The following CAMK2B variants were observed in gnomAD, a reference collection of about 807,000 sequenced individuals.
The protein encoded by CAMK2B is calcium/calmodulin-dependent protein kinase type II subunit beta.
In CAMK2B, 27 loss-of-function variants were observed where a neutral mutation model predicts 93.7. The ratio of observed to expected loss-of-function variants is 0.29; its 90% CI spans 0.21 to 0.40. The LOEUF is 0.40. Ranked by LOEUF, CAMK2B falls within the 10% of genes least tolerant of loss-of-function variation. The pLI is 1.00. For missense variants in CAMK2B, 568 were observed against 895.8 expected (o/e 0.63, Z 4.67); for synonymous variants, 374 against 358.8 (o/e 1.04, Z -0.48).
At chr7:44,288,670 T>C (rs1785819992) in intron 1 of CAMK2B, among the ~76,000 whole-genome samples, 1 of 152,134 alleles carries the variant, frequency 6.6e-6, no homozygotes, top group South Asian at 2.1e-4. Context: ...AGTCCTTGCT[T>C]TGTGGAAGGC....
At chr7:44,268,354 G>T (rs891074415) in intron 2 of CAMK2B, among the ~76,000 whole-genome samples, 2 of 152,214 alleles carry the variant, frequency 1.3e-5, no homozygotes, top group Non-Finnish European at 2.9e-5. Context: ...GATATTTACA[G>T]CCTGCAGATG....
chr7:44,319,484 T>G (rs1795552486), intron 1 of CAMK2B, among the ~76,000 whole-genome samples: 2 of 152,194 alleles, frequency 1.3e-5, no homozygotes, highest in African/African-American at 2.4e-5. Context: ...CTCTTCGGGA[T>G]TCCTAGAAAA....
intron 1 of CAMK2B, among the ~76,000 whole-genome samples, chr7:44,322,033 C>T (rs1418819819): frequency 2.0e-5 from 3 of 152,228 alleles, no homozygotes; most frequent in African/African-American, 4.8e-5. Context: ...ATTCAGGGCC[C>T]GGGCCGTGAC....
At chr7:44,323,945 C>T (rs1486893946) in intron 1 of CAMK2B, 2 of 158,066 alleles carry the variant, frequency 1.3e-5, no homozygotes, top group African/African-American at 4.8e-5. Context: ...GGCTCGCCCT[C>T]TCCCTCGAGG....
intron 1 of CAMK2B, 147 bp downstream of exon 1, chr7:44,325,210 G>A (rs1585013362): frequency 3.7e-6 from 1 of 269,706 alleles, no homozygotes; most frequent in Non-Finnish European, 5.6e-6. Context: ...GGTCGGGGCC[G>A]CGCGGGGCCG....
At position 44,271,028 on chromosome 7, in the gene CAMK2B, C is replaced by T. The variant is rs191429836; in HGVS notation, c.161-7964G>A. On this transcript the variant is annotated intron_variant, in intron 2 of 23. Coordinates refer to ENST00000395749, the MANE Select transcript of CAMK2B (RefSeq NM_001220.5). This position sits in a 1 kb window ranked among gnomAD's most constrained non-coding sequence, Gnocchi z 4.2. ...CCACCTCCCGGGTTCAAGTGATTCT[C>T]CCATGTCAGCCTCTCCAGTAGCTGG... Among the ~76,000 whole-genome samples the T allele has an allele frequency of 6.6e-6, 1 of 152,302 alleles. No individual in the cohort carries two copies. Among genetic ancestry groups the T allele is most frequent in the Admixed American group, 6.5e-5 (1 of 15,300 alleles).
rs1322966511 is a variant in CAMK2B at position 44,311,266 on chromosome 7, G to GAA, written c.65+14090_65+14091insTT. Among the ~76,000 whole-genome samples, 1 of 151,992 alleles carries GAA rather than the reference G, an allele frequency of 6.6e-6. No homozygotes were observed. Among genetic ancestry groups the GAA allele is most frequent in the Non-Finnish European group, 1.5e-5 (1 of 67,984 alleles). ...CATTTTTGTATTTTTAGTAGACATG[G>GAA]GGTTTCACCATGTTGGCCAGGCTGG... On this transcript the variant is annotated intron_variant, in intron 1 of 23. Coordinates refer to ENST00000395749, the MANE Select transcript of CAMK2B (RefSeq NM_001220.5). The surrounding 1 kb of genome is among the most constrained non-coding windows in gnomAD (Gnocchi z 4.2).
chr7:44,318,123 G>A (rs1795252585), intron 1 of CAMK2B, among the ~76,000 whole-genome samples: 1 of 152,152 alleles, frequency 6.6e-6, no homozygotes, highest in East Asian at 1.9e-4. Context: ...CCTAACTAAT[G>A]GCCTGGATCA....
At chr7:44,231,948 C>T (rs902360271) in intron 16 of CAMK2B, among the ~76,000 whole-genome samples, 10 of 152,224 alleles carry the variant, frequency 6.6e-5, no homozygotes, top group African/African-American at 2.4e-4. Context: ...TCTTTAGGTG[C>T]AGGCTCAGAG....
chr7:44,262,981 C>T lies in CAMK2B; in HGVS notation c.220+24G>A, dbSNP rs370952475. ...CCGGGAGAAGGTGGGGACCCATCCC[C>T]GCTCCCTACCCCAGGCTGCTCACCG... is the stretch of plus-strand genomic sequence containing the variant. On this transcript the variant is annotated intron_variant, in intron 3 of 23. Transcript: ENST00000395749. 72 of 1,606,276 alleles carry T rather than the reference C, an allele frequency of 4.5e-5. No individual in the cohort carries two copies. The African/African-American group carries it at 7.1e-4, about 16-fold the overall frequency.
intron 2 of CAMK2B, among the ~76,000 whole-genome samples, chr7:44,275,770 G>C (rs1250314751): frequency 1.3e-5 from 2 of 152,100 alleles, no homozygotes; most frequent in Non-Finnish European, 2.9e-5. Flanking sequence ...GGAGGGGCAG[G>C]CATGCGGTGC....
intron 3 of CAMK2B, among the ~76,000 whole-genome samples, chr7:44,262,042 C>G (rs987639576): frequency 6.6e-6 from 1 of 152,236 alleles, no homozygotes; most frequent in Non-Finnish European, 1.5e-5. Context: ...AATGGGGCAC[C>G]TGCCCCTCTG....
At chr7:44,308,498 G>A (rs1792561463) in intron 1 of CAMK2B, among the ~76,000 whole-genome samples, 1 of 151,544 alleles carries the variant, frequency 6.6e-6, no homozygotes, top group African/African-American at 2.4e-5. Context: ...TTCCCTGATT[G>A]GGAGCTGCTG....
chr7:44,282,291 C>T (rs2097108393), intron 2 of CAMK2B, among the ~76,000 whole-genome samples: 1 of 152,206 alleles, frequency 6.6e-6, no homozygotes, highest in African/African-American at 2.4e-5. Flanking sequence ...GCCTGGCCCA[C>T]CCACCCCACC....
At chr7:44,240,834 G>A in intron 11 of CAMK2B, 85 bp from the exon 12 acceptor site, 1 of 1,386,612 alleles carries the variant, frequency 7.2e-7, no homozygotes, top group Non-Finnish European at 1.0e-6. Context: ...CTGTCCTCCT[G>A]CCCAGATGCT....
At chr7:44,233,748 G>A (rs2128931196) in intron 15 of CAMK2B, among the ~76,000 whole-genome samples, 1 of 152,292 alleles carries the variant, frequency 6.6e-6, no homozygotes, top group Non-Finnish European at 1.5e-5. Context: ...GAGCATGGTG[G>A]GGACCCCTCC....
intron 1 of CAMK2B, among the ~76,000 whole-genome samples, chr7:44,316,443 G>A (rs982689632): frequency 2.6e-5 from 4 of 152,024 alleles, no homozygotes; most frequent in Non-Finnish European, 5.9e-5. Flanking sequence ...GTTTTGTTGA[G>A]GATGCTTCAT....
chr7:44,281,980 C>A (rs1028202718), intron 2 of CAMK2B, among the ~76,000 whole-genome samples: 1 of 152,230 alleles, frequency 6.6e-6, no homozygotes, highest in Non-Finnish European at 1.5e-5. Flanking sequence ...TGGGCTGGTC[C>A]CAGCCTAACT....
intron 5 of CAMK2B, among the ~76,000 whole-genome samples, chr7:44,251,336 C>T (rs1377423559): frequency 3.3e-5 from 5 of 152,024 alleles, no homozygotes; most frequent in South Asian, 4.2e-4. Flanking sequence ...TAGGGGCCCA[C>T]GGGTGCCTCT....
Sources: allele counts gnomAD v4.1 joint callset (sites outside exome capture counted in the v4.1 genomes callset), GRCh38; gene constraint gnomAD v4.1.1; non-coding constraint Gnocchi (gnomAD v3.1); transcripts MANE v1.5; gene names NCBI Gene and HGNC (gene_info 2026-07-23, HGNC 2026-07-21).